The following NRXN1 variants were observed in gnomAD, a reference collection of about 807,000 sequenced individuals.
NRXN1 encodes neurexin 1.
NRXN1 carries 39 observed loss-of-function variants against 150.9 expected under a neutral mutation model. That is an observed-to-expected ratio of 0.26 (90% CI 0.20 to 0.34). The LOEUF (loss-of-function observed/expected upper bound fraction) is 0.34. Ranked by LOEUF, NRXN1 falls within the 10% of genes least tolerant of loss-of-function variation. The pLI is 1.00. For synonymous variants in NRXN1, 924 were observed against 757.0 expected (o/e 1.22, Z -3.62); for missense variants, 1,815 against 1,949.9 (o/e 0.93, Z 1.30).
At chr2:50,726,479 ATAGTTACATTTCTTGG>A (rs1487580955) in intron 5 of NRXN1, among the ~76,000 whole-genome samples, 2 of 152,228 alleles carry the variant, frequency 1.3e-5, no homozygotes, top group African/African-American at 4.8e-5. Context: ...AAGGAGGATG[ATAGTTACATTTCTTGG>A]TCATTTGCTA....
intron 17 of NRXN1, among the ~76,000 whole-genome samples, chr2:50,301,552 G>C (rs1193866997): frequency 1.3e-5 from 2 of 152,146 alleles, no homozygotes; most frequent in Admixed American, 6.5e-5. Context: ...TTTTTTATGT[G>C]ATCTCTGATT....
At chr2:50,451,846 T>TA (rs1410080831) in intron 17 of NRXN1, among the ~76,000 whole-genome samples, 6 of 152,206 alleles carry the variant, frequency 3.9e-5, no homozygotes, top group African/African-American at 7.2e-5. Context: ...AGAAGAAATA[T>TA]ATTTAACATA....
chr2:50,495,711 A>G (rs979934743), intron 15 of NRXN1, among the ~76,000 whole-genome samples, 194 bp downstream of exon 15: 1 of 152,058 alleles, frequency 6.6e-6, no homozygotes, highest in African/African-American at 2.4e-5. Context: ...TTGAGCTGTT[A>G]TTAAAAATAC....
intron 17 of NRXN1, among the ~76,000 whole-genome samples, chr2:50,444,580 T>A (rs1227874400): frequency 6.6e-6 from 1 of 152,152 alleles, no homozygotes; most frequent in Non-Finnish European, 1.5e-5. Context: ...AAAGTAGGTA[T>A]TGGCCAGGAC....
At chr2:50,744,618 T>C (rs188491163) in intron 5 of NRXN1, among the ~76,000 whole-genome samples, 1 of 152,268 alleles carries the variant, frequency 6.6e-6, no homozygotes, top group East Asian at 1.9e-4. Flanking sequence ...TTCCCCATTT[T>C]ATAGATGATC....
At chr2:50,796,604 C>T (rs1170637679) in intron 5 of NRXN1, among the ~76,000 whole-genome samples, 3 of 152,144 alleles carry the variant, frequency 2.0e-5, no homozygotes, top group Admixed American at 2.0e-4. Flanking sequence ...TGATAACATA[C>T]AAATGGAGTA....
At chr2:50,488,051 T>C (rs2091002656) in intron 15 of NRXN1, among the ~76,000 whole-genome samples, 2 of 152,210 alleles carry the variant, frequency 1.3e-5, no homozygotes, top group African/African-American at 4.8e-5. Context: ...GGGTATCACC[T>C]AGCACCTAGT....
intron 21 of NRXN1, among the ~76,000 whole-genome samples, chr2:50,032,787 G>C (rs1182610154): frequency 6.6e-6 from 1 of 151,862 alleles, no homozygotes; most frequent in Non-Finnish European, 1.5e-5. Flanking sequence ...AGAGAGGGTG[G>C]CTGTCTGCAA....
At chr2:50,172,439 T>C (rs965755605) in intron 18 of NRXN1, among the ~76,000 whole-genome samples, 1 of 152,060 alleles carries the variant, frequency 6.6e-6, no homozygotes, top group Non-Finnish European at 1.5e-5. Flanking sequence ...AGTCCTAACA[T>C]CACTCTATGG....
chr2:50,624,691 T>C (rs561325450), intron 5 of NRXN1: 1 of 152,098 alleles, frequency 6.6e-6, no homozygotes, highest in East Asian at 1.9e-4. Flanking sequence ...TATTCCCTGG[T>C]GTAGTTAAGC....
At position 49,943,188 on chromosome 2, in the gene NRXN1, T is replaced by G. The variant is rs569990653; in HGVS notation, c.4216+516A>C. Reference sequence around the variant, plus strand: ...GGGAAACATGGCAAGACTCAAATATTTCTCTATTAAAGATATCAACGAGTC... The same window carrying G: ...GGGAAACATGGCAAGACTCAAATATGTCTCTATTAAAGATATCAACGAGTC... On this transcript the variant is annotated intron_variant, in intron 22 of 22. Coordinates refer to ENST00000401669, the MANE Select transcript of NRXN1 (RefSeq NM_001330078.2). Among the ~76,000 whole-genome samples, 17 of 152,288 alleles carry G rather than the reference T, an allele frequency of 1.1e-4. 1 individual carries two copies. The South Asian group carries it at 2.9e-3, about 26-fold the overall frequency.
At chr2:49,998,460 A>AT (rs1190714710) in intron 21 of NRXN1, among the ~76,000 whole-genome samples, 2 of 152,158 alleles carry the variant, frequency 1.3e-5, no homozygotes, top group Admixed American at 6.6e-5. Flanking sequence ...TGCTTTTTAT[A>AT]TTTTTTTAGA....
At chr2:50,602,744 G>A (rs567672759) in intron 8 of NRXN1, among the ~76,000 whole-genome samples, 2 of 152,190 alleles carry the variant, frequency 1.3e-5, no homozygotes, top group Admixed American at 1.3e-4. Context: ...AGACTTTACT[G>A]ACCCAGAAAA....
intron 8 of NRXN1, among the ~76,000 whole-genome samples, chr2:50,568,799 C>T (rs1670236153): frequency 6.6e-6 from 1 of 152,006 alleles, no homozygotes; most frequent in South Asian, 2.1e-4. Context: ...ATATATATAC[C>T]TCAAAGAAAG....
At chr2:50,843,427 T>C (rs1268527492) in intron 5 of NRXN1, among the ~76,000 whole-genome samples, 2 of 152,196 alleles carry the variant, frequency 1.3e-5, no homozygotes, top group African/African-American at 2.4e-5. Context: ...GAGATAGTAA[T>C]GGAGGAAAGT....
chr2:50,920,833 C>G (rs1425150510), intron 5 of NRXN1, among the ~76,000 whole-genome samples: 1 of 151,744 alleles, frequency 6.6e-6, no homozygotes, highest in Non-Finnish European at 1.5e-5. Context: ...TCAAAGTATT[C>G]AAACAGCATT....
chr2:50,357,306 T>TTTATTTATTTATTTATTTA (rs1558590722), intron 17 of NRXN1, among the ~76,000 whole-genome samples: 11 of 131,422 alleles, frequency 8.4e-5, no homozygotes, highest in African/African-American at 2.9e-4. Context: ...TTATTTATTT[T>TTTATTTATTTATTTATTTA]TTTTTTTATT....
chr2:50,450,908 T>C (rs1429710710), intron 17 of NRXN1, among the ~76,000 whole-genome samples: 4 of 152,220 alleles, frequency 2.6e-5, no homozygotes. Flanking sequence ...CAAATATCTT[T>C]TTTCCTTTAC....
intron 21 of NRXN1, among the ~76,000 whole-genome samples, chr2:50,036,974 C>CT (rs1291609200): frequency 6.6e-6 from 1 of 152,106 alleles, no homozygotes; most frequent in Non-Finnish European, 1.5e-5. Flanking sequence ...ATGGCAGAAC[C>CT]ACAGAATTAT....
Sources: gnomAD v4.1 joint callset for allele counts (sites outside exome capture counted in the v4.1 genomes callset) on GRCh38, gnomAD v4.1.1 for gene constraint, MANE v1.5 for transcripts, NCBI Gene and HGNC (gene_info 2026-07-23, HGNC 2026-07-21) for gene names.